Variants in PTPRD observed in about 807,000 individuals in gnomAD.
PTPRD encodes the protein protein tyrosine phosphatase receptor type D, also known as receptor-type tyrosine-protein phosphatase delta.
In PTPRD, 34 loss-of-function variants were observed where a neutral mutation model predicts 214.5. The ratio of observed to expected loss-of-function variants is 0.16; its 90% CI spans 0.12 to 0.21. The LOEUF (loss-of-function observed/expected upper bound fraction) is 0.21, where lower values mean the gene tolerates loss of function less well. Ranked by LOEUF, PTPRD falls within the 10% of genes least tolerant of loss-of-function variation. The pLI, the probability that PTPRD is intolerant of heterozygous loss-of-function variation, is 1.00. For synonymous variants in PTPRD, 1,128 were observed against 845.7 expected (o/e 1.33, Z -5.79); for missense variants, 2,545 against 2,398.7 (o/e 1.06, Z -1.27).
chr9:8,351,813 G>C (rs908968820), intron 39 of PTPRD, among the ~76,000 whole-genome samples: 1 of 139,810 alleles, frequency 7.2e-6, no homozygotes, highest in Non-Finnish European at 1.5e-5. Flanking sequence ...GATCACTCCA[G>C]AAAGGTAAAA....
intron 9 of PTPRD, among the ~76,000 whole-genome samples, chr9:9,328,849 G>A (rs1263274504): frequency 1.3e-5 from 2 of 151,108 alleles, no homozygotes; most frequent in Non-Finnish European, 3.0e-5. Flanking sequence ...TGTTGGCCAG[G>A]CTGGTCTTGA....
chr9:10,093,132 C>T (rs1427579399), intron 3 of PTPRD, among the ~76,000 whole-genome samples: 1 of 151,366 alleles, frequency 6.6e-6, no homozygotes, highest in African/African-American at 2.4e-5. Flanking sequence ...CCCTTCTGCA[C>T]ACGAAAAGAA....
intron 2 of PTPRD, among the ~76,000 whole-genome samples, chr9:10,502,793 G>C (rs951042981): frequency 6.6e-6 from 1 of 151,942 alleles, no homozygotes; most frequent in Non-Finnish European, 1.5e-5. Context: ...TATCCATTTA[G>C]TTTTCAGATA....
intron 11 of PTPRD, among the ~76,000 whole-genome samples, chr9:8,969,250 G>C (rs545331260): frequency 5.9e-5 from 9 of 152,010 alleles, no homozygotes; most frequent in Non-Finnish European, 1.3e-4. Flanking sequence ...AGGGTTACAG[G>C]TGCCCTCATC....
At chr9:10,304,201 C>T (rs1163324147) in intron 3 of PTPRD, among the ~76,000 whole-genome samples, 2 of 152,060 alleles carry the variant, frequency 1.3e-5, no homozygotes, top group Non-Finnish European at 2.9e-5. Flanking sequence ...AGGCTTCCAA[C>T]AAAATTCAAC....
At chr9:10,460,232 G>A (rs1278728566) in intron 2 of PTPRD, among the ~76,000 whole-genome samples, 1 of 151,806 alleles carries the variant, frequency 6.6e-6, no homozygotes, top group Non-Finnish European at 1.5e-5. Flanking sequence ...AAATTAAATA[G>A]GACACAAATA....
At chr9:9,464,088 T>C (rs557197765) in intron 8 of PTPRD, among the ~76,000 whole-genome samples, 1 of 152,312 alleles carries the variant, frequency 6.6e-6, no homozygotes, top group South Asian at 2.1e-4. Context: ...GTTGAAGAGA[T>C]GGATTTGAGT....
intron 9 of PTPRD, among the ~76,000 whole-genome samples, chr9:9,241,128 C>T (rs1190611515): frequency 1.3e-5 from 2 of 152,082 alleles, no homozygotes; most frequent in Non-Finnish European, 2.9e-5. Flanking sequence ...TCTAAATGAA[C>T]TGATAAGAAC....
intron 39 of PTPRD, among the ~76,000 whole-genome samples, chr9:8,371,091 A>C (rs943160708): frequency 1.8e-4 from 27 of 152,102 alleles, no homozygotes; most frequent in African/African-American, 4.6e-4. Context: ...GTCTAAATTT[A>C]ATCATGGAAT....
At chr9:8,907,767 A>G (rs1006350324) in intron 11 of PTPRD, among the ~76,000 whole-genome samples, 3 of 152,006 alleles carry the variant, frequency 2.0e-5, no homozygotes, top group Non-Finnish European at 4.4e-5. Context: ...TTAAGAGCAG[A>G]GAATAAAAGA....
chr9:9,503,352 G>C (rs145045869), intron 8 of PTPRD, among the ~76,000 whole-genome samples: 1 of 151,298 alleles, frequency 6.6e-6, no homozygotes, highest in East Asian at 2.0e-4. Flanking sequence ...TGAGATGTGT[G>C]GGTTATGCTC....
intron 9 of PTPRD, among the ~76,000 whole-genome samples, chr9:9,184,389 T>C (rs2099930115): frequency 6.6e-6 from 1 of 152,068 alleles, no homozygotes; most frequent in East Asian, 1.9e-4. Context: ...ATCCTCATTC[T>C]ATGTTTCTTA....
At chr9:9,660,795 T>A (rs557705743) in intron 7 of PTPRD, among the ~76,000 whole-genome samples, 5 of 152,086 alleles carry the variant, frequency 3.3e-5, no homozygotes, top group Admixed American at 1.3e-4. Context: ...AGAAAATTAA[T>A]CTTGCAACAA....
chr9:9,638,048 A>G, intron 7 of PTPRD, among the ~76,000 whole-genome samples: 1 of 152,124 alleles, frequency 6.6e-6, no homozygotes, highest in East Asian at 1.9e-4. Flanking sequence ...AAGTTCTTCA[A>G]AATGTCTTTG....
intron 35 of PTPRD, among the ~76,000 whole-genome samples, chr9:8,404,907 G>C (rs1055515345): frequency 6.6e-6 from 1 of 152,164 alleles, no homozygotes; most frequent in African/African-American, 2.4e-5. Flanking sequence ...CAGATGTTCT[G>C]TTAATATTGG....
chr9:9,671,174 G>C (rs2096825971), intron 7 of PTPRD, among the ~76,000 whole-genome samples: 1 of 152,154 alleles, frequency 6.6e-6, no homozygotes, highest in Admixed American at 6.5e-5. Context: ...ACAGTGACCT[G>C]GATGTAAGAC....
At chr9:10,114,206 G>C (rs1429257344) in intron 3 of PTPRD, among the ~76,000 whole-genome samples, 1 of 152,118 alleles carries the variant, frequency 6.6e-6, no homozygotes, top group Non-Finnish European at 1.5e-5. Flanking sequence ...ACAACCTGGC[G>C]AGAATATTAT....
chr9:9,009,392 A>G (rs997112876), intron 11 of PTPRD, among the ~76,000 whole-genome samples: 5 of 151,342 alleles, frequency 3.3e-5, no homozygotes, highest in African/African-American at 1.2e-4. Context: ...GGCTCCACAA[A>G]TTTCAGCAGT....
rs374328818 is a variant in PTPRD, at chr9:10,399,820, G to A, written c.-599-58803C>T. On this transcript the variant is annotated intron_variant, in intron 2 of 45. Coordinates refer to ENST00000381196, the MANE Select transcript of PTPRD (RefSeq NM_002839.4). ...CTGAAAATAGTTCAGTGCTTCTAGA[G>A]TGAAACCTACAAGTGGTGGGAAGAA... is the stretch of plus-strand genomic sequence containing the variant. Among the ~76,000 whole-genome samples the A allele has an allele frequency of 3.5e-4, 53 of 151,882 alleles. 1 individual carries two copies. The highest frequency in any genetic ancestry group is 2.2e-3 in the Admixed American group (33 of 15,188).
Sources: gnomAD v4.1 joint callset for allele counts (sites outside exome capture counted in the v4.1 genomes callset) on GRCh38, gnomAD v4.1.1 for gene constraint, MANE v1.5 for transcripts, NCBI Gene and HGNC (gene_info 2026-07-23, HGNC 2026-07-21) for gene names.